ZCCHC7: variants seen among roughly 807,000 people sequenced by gnomAD.
ZCCHC7 encodes zinc finger CCHC domain-containing protein 7.
Under a neutral mutation model 52.0 loss-of-function variants are expected in ZCCHC7, and 35 were observed. The ratio of observed to expected loss-of-function variants is 0.67; its 90% CI spans 0.51 to 0.89. ZCCHC7 has a LOEUF of 0.89. ZCCHC7 is among the 40% of genes least tolerant of loss of function. The pLI is 0.00. For synonymous variants in ZCCHC7, 217 were observed against 221.5 expected, an observed-to-expected ratio of 0.98 and a Z score of 0.18; for missense variants, 574 against 649.1, an observed-to-expected ratio of 0.88 and a Z score of 1.26.
intron 2 of ZCCHC7, among the ~76,000 whole-genome samples, chr9:37,129,012 G>C (rs1012875222): frequency 5.9e-5 from 9 of 152,030 alleles, no homozygotes; most frequent in Non-Finnish European, 1.3e-4. Flanking sequence ...TAACCATTTT[G>C]TTGATTTCAA....
chr9:37,317,374 G>A (rs78391853), intron 5 of ZCCHC7, among the ~76,000 whole-genome samples: 7,728 of 152,240 alleles, frequency 0.051, 645 homozygotes, highest in African/African-American at 0.17. Context: ...AAGAAAGCCT[G>A]GAATATGTGT....
At chr9:37,336,417 T>G (rs1830663639) in intron 6 of ZCCHC7, among the ~76,000 whole-genome samples, 1 of 152,232 alleles carries the variant, frequency 6.6e-6, no homozygotes, top group African/African-American at 2.4e-5. Flanking sequence ...TTCTAACAGG[T>G]CCTTGCAGCT....
In ZCCHC7 at chr9:37,130,142, G is replaced by A. The variant is rs563569042; in HGVS notation, c.610+3200G>A. Among the ~76,000 whole-genome samples the A allele has an allele frequency of 2.6e-5, 4 of 151,336 alleles. No individual in the cohort carries two copies. The South Asian group carries it at 8.4e-4, about 32-fold the overall frequency. On this transcript the variant is annotated intron_variant, in intron 2 of 8. Coordinates refer to ENST00000336755, the MANE Select transcript of ZCCHC7 (RefSeq NM_032226.3). ...TAATCCCAGCTACTTGGGAGGCTAA[G>A]GCAGGAGAATTGCTTGACCCAGGAG...
chr9:37,121,262 C>T (rs1588327800), intron 1 of ZCCHC7, among the ~76,000 whole-genome samples: 1 of 152,204 alleles, frequency 6.6e-6, no homozygotes, highest in South Asian at 2.1e-4. Flanking sequence ...CCGTGGCTCC[C>T]CCACGGATTC....
intron 2 of ZCCHC7, among the ~76,000 whole-genome samples, chr9:37,154,800 TAGAG>T (rs1443989105): frequency 6.6e-6 from 1 of 152,132 alleles, no homozygotes; most frequent in East Asian, 1.9e-4. Flanking sequence ...GGTCGTTAAT[TAGAG>T]AGTCCTGATC....
Position 37,201,700 on chromosome 9 carries a change from C to T in ZCCHC7, c.610+74758C>T, listed in dbSNP as rs1823638594. 2.0e-5 allele frequency among the ~76,000 whole-genome samples: 3 copies of T among 152,152 alleles called. 1 individual carries two copies. The highest frequency in any genetic ancestry group is 7.2e-5 in the African/African-American group (3 of 41,434). ...CATCCTAGGGCACTTAAAGATGTGG[C>T]AGATACCATTGCAGAGGCACTAGCA... On this transcript the variant is annotated intron_variant, in intron 2 of 8. Transcript: ENST00000336755.
chr9:37,334,242 A>G (rs538024675), intron 6 of ZCCHC7, among the ~76,000 whole-genome samples: 7 of 152,078 alleles, frequency 4.6e-5, no homozygotes, highest in African/African-American at 1.7e-4. Flanking sequence ...TCTTTTCTAG[A>G]CATTTCAGTC....
intron 2 of ZCCHC7, among the ~76,000 whole-genome samples, chr9:37,196,432 T>TA: frequency 1.3e-5 from 2 of 152,290 alleles, no homozygotes; most frequent in Non-Finnish European, 2.9e-5. Context: ...TATAACATGA[T>TA]TTTTATGGCA....
In ZCCHC7 at chr9:37,354,689, A is replaced by C. The variant is rs754490818; in HGVS notation, c.1084-21A>C. 1 of 1,558,742 alleles carries C rather than the reference A, an allele frequency of 6.4e-7. No individual in the cohort carries two copies. The highest frequency in any genetic ancestry group is 8.8e-7 in the Non-Finnish European group (1 of 1,133,270). ...GAACAGTGTGACCATGTGACATCAT[A>C]ATTTTACATACAATTTATAGGAATG... On this transcript the variant is annotated intron_variant, in intron 7 of 8. Coordinates refer to ENST00000336755, the MANE Select transcript of ZCCHC7 (RefSeq NM_032226.3). This position sits in a 1 kb window ranked among gnomAD's most constrained non-coding sequence, Gnocchi z 4.0.
At chr9:37,265,029 G>C (rs902549272) in intron 2 of ZCCHC7, among the ~76,000 whole-genome samples, 3 of 152,088 alleles carry the variant, frequency 2.0e-5, no homozygotes, top group Non-Finnish European at 4.4e-5. Context: ...TTGTAGCCTA[G>C]GAAACCTGTA....
intron 2 of ZCCHC7, among the ~76,000 whole-genome samples, chr9:37,215,934 C>T (rs1824478144): frequency 6.6e-6 from 1 of 151,952 alleles, no homozygotes; most frequent in African/African-American, 2.4e-5. Context: ...ATATCTTGGC[C>T]TATGAGGGGT....
intron 2 of ZCCHC7, among the ~76,000 whole-genome samples, chr9:37,207,716 C>T (rs1035428369): frequency 7.3e-5 from 11 of 151,688 alleles, no homozygotes; most frequent in African/African-American, 2.4e-4. Context: ...CTAACTTTTC[C>T]TTCTGTCATA....
At chr9:37,169,921 G>A (rs756616024) in intron 2 of ZCCHC7, among the ~76,000 whole-genome samples, 2 of 151,908 alleles carry the variant, frequency 1.3e-5, no homozygotes, top group African/African-American at 2.4e-5. Flanking sequence ...CAAAAGATAG[G>A]GCTTGGTGGC....
In ZCCHC7 at chr9:37,259,053, T is replaced by C. The variant is rs551560422; in HGVS notation, c.611-43135T>C. On this transcript the variant is annotated intron_variant, in intron 2 of 8. Transcript: ENST00000336755. ...AAAAGAAACTTGGATTATTATAACA[T>C]GTAGCAGAAAAAATGAAAAACAAAA... 3.9e-5 allele frequency among the ~76,000 whole-genome samples: 6 copies of C among 152,184 alleles called. No homozygotes were observed. In the South Asian group the frequency reaches 1.2e-3, roughly 32 times the overall value.
intron 2 of ZCCHC7, among the ~76,000 whole-genome samples, chr9:37,135,268 C>T (rs1000720639): frequency 6.6e-6 from 1 of 152,150 alleles, no homozygotes; most frequent in African/African-American, 2.4e-5. Flanking sequence ...ATGACTAATG[C>T]ACTTGTTACA....
intron 2 of ZCCHC7, among the ~76,000 whole-genome samples, chr9:37,223,900 C>A (rs1824958159): frequency 6.6e-6 from 1 of 151,694 alleles, no homozygotes; most frequent in Non-Finnish European, 1.5e-5. Context: ...CAGCATGCAC[C>A]CATTTTTCAT....
chr9:37,283,646 G>A (rs1294294081), intron 2 of ZCCHC7, among the ~76,000 whole-genome samples: 1 of 152,128 alleles, frequency 6.6e-6, no homozygotes, highest in Non-Finnish European at 1.5e-5. Context: ...TTAGTATGCA[G>A]TTTTGTTATA....
At chr9:37,164,491 AGATAGATAGAC>A (rs1821303820) in intron 2 of ZCCHC7, among the ~76,000 whole-genome samples, 1 of 150,956 alleles carries the variant, frequency 6.6e-6, no homozygotes, top group Admixed American at 6.6e-5. Context: ...ATAGATAGAT[AGATAGATAGAC>A]AGACAAGATA....
At chr9:37,348,577 A>C (rs1821170218) in intron 6 of ZCCHC7, among the ~76,000 whole-genome samples, 1 of 151,968 alleles carries the variant, frequency 6.6e-6, no homozygotes, top group Admixed American at 6.6e-5. Flanking sequence ...ACGAGGTTTC[A>C]CCATGCTGGC....
Sources: allele counts gnomAD v4.1 joint callset (sites outside exome capture counted in the v4.1 genomes callset), GRCh38; gene constraint gnomAD v4.1.1; non-coding constraint Gnocchi (gnomAD v3.1); transcripts MANE v1.5; gene names NCBI Gene and HGNC (gene_info 2026-07-23, HGNC 2026-07-21).